Variants in MTUS2 observed in about 807,000 individuals in gnomAD.
MTUS2 encodes microtubule associated scaffold protein 2.
A neutral mutation model predicts 114.1 loss-of-function variants in MTUS2; 40 were observed. That is an observed-to-expected ratio of 0.35 (90% CI 0.27 to 0.46). The LOEUF (loss-of-function observed/expected upper bound fraction) is 0.46. MTUS2 is among the 20% of genes least tolerant of loss of function. The pLI, the probability that MTUS2 is intolerant of heterozygous loss-of-function variation, is 1.00. For missense variants in MTUS2, 1,679 were observed against 1,705.4 expected (o/e 0.98, Z 0.27); for synonymous variants, 688 against 672.0 (o/e 1.02, Z -0.37).
chr13:28,964,932 C>T (rs2138228359), intron 2 of MTUS2, among the ~76,000 whole-genome samples: 1 of 151,954 alleles, frequency 6.6e-6, no homozygotes, highest in South Asian at 2.1e-4. Flanking sequence ...GTCCCATATG[C>T]TCCCTGTTTT....
At chr13:28,911,845 G>GTTTTTTTTTTTTTTTTTTTTAAT (rs202187530) in intron 2 of MTUS2, among the ~76,000 whole-genome samples, 2 of 103,828 alleles carry the variant, frequency 1.9e-5, no homozygotes, top group South Asian at 3.2e-4. Context: ...ACTTTTTAAT[G>GTTTTTTTTTTTTTTTTTTTTAAT]TTTTTTTTTT....
chr13:28,828,069 G>A (rs575589089), intron 1 of MTUS2, among the ~76,000 whole-genome samples: 3 of 152,234 alleles, frequency 2.0e-5, no homozygotes, highest in African/African-American at 7.2e-5. Context: ...TTATTTCACC[G>A]CTTATCCACA....
At chr13:29,297,872 CACAT>C (rs1399493727) in intron 6 of MTUS2, among the ~76,000 whole-genome samples, 1 of 121,936 alleles carries the variant, frequency 8.2e-6, no homozygotes, top group Non-Finnish European at 2.0e-5. Flanking sequence ...TATGTGTACA[CACAT>C]ACACACACAC....
intron 7 of MTUS2, among the ~76,000 whole-genome samples, chr13:29,357,299 C>T (rs984545070): frequency 6.6e-6 from 1 of 152,174 alleles, no homozygotes; most frequent in African/African-American, 2.4e-5. Context: ...CGCCTGCTAA[C>T]GTCCACAAGC....
intron 3 of MTUS2, among the ~76,000 whole-genome samples, chr13:29,033,519 T>C (rs182036771): frequency 5.9e-5 from 9 of 152,252 alleles, no homozygotes; most frequent in African/African-American, 1.9e-4. Flanking sequence ...AATAAAACTT[T>C]CATAATTTTA....
In MTUS2 at chr13:29,389,607, A is replaced by G. The variant is rs529997023; in HGVS notation, c.3117+30134A>G. On this transcript the variant is annotated intron_variant, in intron 8 of 15. Transcript: ENST00000612955. Reference sequence around the variant, plus strand: ...TACGTATACATATGTGTGTATACGTATACATATGTGTGTATATATGTATAC... The same window carrying G: ...TACGTATACATATGTGTGTATACGTGTACATATGTGTGTATATATGTATAC... 8.8e-4 allele frequency among the ~76,000 whole-genome samples: 81 copies of G among 92,230 alleles called. 12 individuals are homozygous for G. Among genetic ancestry groups the G allele is most frequent in the African/African-American group, 2.8e-3 (80 of 28,836 alleles). The allele number at this position is 92,230 out of a possible 152,430, so 60.5% of individuals were successfully genotyped here. A position where few individuals can be genotyped will look rare whatever the true frequency, so the allele number is the denominator to read the frequency against.
intron 2 of MTUS2, among the ~76,000 whole-genome samples, chr13:28,845,230 G>A (rs1184130721): frequency 6.6e-6 from 1 of 152,168 alleles, no homozygotes; most frequent in African/African-American, 2.4e-5. Flanking sequence ...GGTAACAGGC[G>A]TGAGCCACCG....
At chr13:29,425,599 C>T (rs182027049) in intron 8 of MTUS2, among the ~76,000 whole-genome samples, 6 of 152,274 alleles carry the variant, frequency 3.9e-5, no homozygotes, top group Admixed American at 6.5e-5. Flanking sequence ...ACCTTGATGA[C>T]GGTTGAACCT....
chr13:29,331,854 A>G (rs932195083), intron 7 of MTUS2, among the ~76,000 whole-genome samples: 1 of 152,116 alleles, frequency 6.6e-6, no homozygotes, highest in Non-Finnish European at 1.5e-5. Context: ...TATGTGATGG[A>G]TTAGGTTTAT....
intron 14 of MTUS2, 76 bp from the exon 15 acceptor site, chr13:29,501,021 C>A: frequency 8.9e-7 from 1 of 1,128,214 alleles, no homozygotes; most frequent in African/African-American, 1.5e-5. Context: ...TCCTCCAATG[C>A]CCAGAGCTGA....
At chr13:29,339,132 G>T (rs1010585935) in intron 7 of MTUS2, among the ~76,000 whole-genome samples, 4 of 151,940 alleles carry the variant, frequency 2.6e-5, no homozygotes, top group Admixed American at 2.6e-4. Flanking sequence ...GGCTCCTTGG[G>T]GTGTAGGAAG....
chr13:29,149,275 A>G (rs1020058274), intron 5 of MTUS2, among the ~76,000 whole-genome samples: 3 of 152,132 alleles, frequency 2.0e-5, no homozygotes, highest in African/African-American at 7.2e-5. Context: ...CTAATGATCA[A>G]TGATATTGAG....
intron 8 of MTUS2, among the ~76,000 whole-genome samples, chr13:29,421,766 C>G (rs1051789785): frequency 4.6e-5 from 7 of 152,118 alleles, no homozygotes; most frequent in African/African-American, 9.7e-5. Flanking sequence ...GGAATTCACT[C>G]CAAATTGGAG....
chr13:29,127,792 C>T (rs1891584157), intron 5 of MTUS2, among the ~76,000 whole-genome samples: 1 of 152,240 alleles, frequency 6.6e-6, no homozygotes, highest in Non-Finnish European at 1.5e-5. Flanking sequence ...CCACATTTCT[C>T]CATGTGCTTG....
chr13:29,404,929 A>G (rs1045130835), intron 8 of MTUS2, among the ~76,000 whole-genome samples: 9 of 152,208 alleles, frequency 5.9e-5, no homozygotes, highest in African/African-American at 2.2e-4. Flanking sequence ...TCCTCACATC[A>G]CTGTAAAAGA....
intron 2 of MTUS2, among the ~76,000 whole-genome samples, chr13:28,880,817 A>G (rs1242929370): frequency 2.0e-5 from 3 of 152,184 alleles, no homozygotes; most frequent in South Asian, 2.1e-4. Context: ...CATGGTTAAC[A>G]GTACAGCATG....
chr13:29,008,813 T>C (rs1885712936), intron 2 of MTUS2, among the ~76,000 whole-genome samples: 1 of 152,172 alleles, frequency 6.6e-6, no homozygotes, highest in African/African-American at 2.4e-5. Flanking sequence ...CTTTGCATAT[T>C]GTAATTTTTT....
chr13:29,271,122 T>G (rs1203844896), intron 5 of MTUS2, among the ~76,000 whole-genome samples: 1 of 152,240 alleles, frequency 6.6e-6, no homozygotes, highest in Non-Finnish European at 1.5e-5. Context: ...AAAATAGGAC[T>G]GGAAATAAAT....
intron 2 of MTUS2, among the ~76,000 whole-genome samples, chr13:28,865,075 G>T (rs1294331053): frequency 1.3e-5 from 2 of 152,164 alleles, no homozygotes; most frequent in African/African-American, 2.4e-5. Flanking sequence ...ATATGTGTGT[G>T]TGTCTATGTG....
Sources: gnomAD v4.1 joint callset for allele counts (sites outside exome capture counted in the v4.1 genomes callset) on GRCh38, gnomAD v4.1.1 for gene constraint, MANE v1.5 for transcripts, NCBI Gene and HGNC (gene_info 2026-07-23, HGNC 2026-07-21) for gene names.